Variants in SPATA16 observed in about 807,000 individuals in gnomAD.
The protein encoded by SPATA16 is spermatogenesis-associated protein 16.
Under a neutral mutation model 63.3 loss-of-function variants are expected in SPATA16, and 36 were observed. The ratio of observed to expected loss-of-function variants is 0.57; its 90% CI spans 0.44 to 0.75. The LOEUF is 0.75. Ranked by LOEUF, SPATA16 falls within the 30% of genes least tolerant of loss-of-function variation. The probability of loss-of-function intolerance (pLI) is 0.00; values close to 1 mark genes in which losing one functional copy is unlikely to be tolerated. For synonymous variants in SPATA16, 203 were observed against 216.7 expected (o/e 0.94, Z 0.56); for missense variants, 646 against 679.3 (o/e 0.95, Z 0.54).
intron 5 of SPATA16, 126 bp downstream of exon 5, chr3:172,976,842 A>C (rs970684839): frequency 2.6e-6 from 2 of 761,462 alleles, no homozygotes; most frequent in Non-Finnish European, 4.6e-6. Flanking sequence ...ATTATTATTC[A>C]GTACCTTCTT....
intron 4 of SPATA16, among the ~76,000 whole-genome samples, chr3:173,017,631 G>C (rs893031634): frequency 6.6e-6 from 1 of 152,140 alleles, no homozygotes; most frequent in Non-Finnish European, 1.5e-5. Context: ...CAACTAGCTC[G>C]CTCCGAATTC....
At chr3:173,086,445 A>G (rs1316320288) in intron 2 of SPATA16, among the ~76,000 whole-genome samples, 1 of 151,950 alleles carries the variant, frequency 6.6e-6, no homozygotes, top group African/African-American at 2.4e-5. Context: ...TAATTAATGT[A>G]GCTAGTAGTC....
chr3:173,098,520 A>T (rs1737414388), intron 2 of SPATA16, among the ~76,000 whole-genome samples: 1 of 152,216 alleles, frequency 6.6e-6, no homozygotes. Context: ...GAATGATTTT[A>T]AAGGCCTCTT....
intron 8 of SPATA16, 75 bp from the exon 9 acceptor site, chr3:172,916,556 G>T: frequency 6.8e-7 from 1 of 1,478,798 alleles, no homozygotes; most frequent in Non-Finnish European, 9.4e-7. Context: ...GGAAGTCAGG[G>T]CTTGTGATAA....
chr3:172,972,140 A>C lies in SPATA16; in HGVS notation c.933+4828T>G, dbSNP rs114409501. ...ACCATATAGGCCATTGATAGCTTTG[A>C]GATGGGAAACATTTCAATGCCAAGT... On this transcript the variant is annotated intron_variant, in intron 5 of 10. Coordinates refer to ENST00000351008, the MANE Select transcript of SPATA16 (RefSeq NM_031955.6). Among the ~76,000 whole-genome samples, 876 of 152,288 alleles carry C rather than the reference A, an allele frequency of 5.8e-3. 4 individuals are homozygous for C. The highest frequency in any genetic ancestry group is 0.02 in the Middle Eastern group (6 of 294).
chr3:173,045,280 C>G (rs574972975), intron 3 of SPATA16, among the ~76,000 whole-genome samples: 1 of 152,020 alleles, frequency 6.6e-6, no homozygotes, highest in East Asian at 1.9e-4. Context: ...ATATCCATGT[C>G]CCTGAACTAG....
intron 3 of SPATA16, among the ~76,000 whole-genome samples, chr3:173,038,535 T>C (rs1735767586): frequency 6.6e-6 from 1 of 152,118 alleles, no homozygotes; most frequent in Non-Finnish European, 1.5e-5. Flanking sequence ...TTTCTCAGTT[T>C]TAGTGTTGGT....
In SPATA16 at chr3:172,962,409, A is replaced by G. The variant is rs1275875350; in HGVS notation, c.934-5585T>C. On this transcript the variant is annotated intron_variant, in intron 5 of 10. Coordinates refer to ENST00000351008, the MANE Select transcript of SPATA16 (RefSeq NM_031955.6). Reference sequence around the variant, plus strand: ...GAGTGAGAAATCAAATTATTTTTCTATTGTTTTAAATTTCTGAAATTTGGG... The same window carrying G: ...GAGTGAGAAATCAAATTATTTTTCTGTTGTTTTAAATTTCTGAAATTTGGG... Among the ~76,000 whole-genome samples the G allele has an allele frequency of 2.0e-5, 3 of 152,096 alleles. No homozygotes were observed. In the South Asian group the frequency reaches 6.2e-4, roughly 31 times the overall value.
At chr3:173,088,835 A>G (rs1737151412) in intron 2 of SPATA16, among the ~76,000 whole-genome samples, 1 of 152,220 alleles carries the variant, frequency 6.6e-6, no homozygotes, top group South Asian at 2.1e-4. Context: ...ACTGTGTTGT[A>G]GGAGCATGTG....
intron 4 of SPATA16, among the ~76,000 whole-genome samples, chr3:172,991,120 G>A (rs1734567036): frequency 6.6e-6 from 1 of 152,050 alleles, no homozygotes; most frequent in African/African-American, 2.4e-5. Flanking sequence ...CATCCTTGAT[G>A]TCCTAGGGTA....
chr3:173,034,160 G>T (rs1272034803), intron 3 of SPATA16, among the ~76,000 whole-genome samples: 1 of 152,060 alleles, frequency 6.6e-6, no homozygotes. Context: ...GAGCCAGAAA[G>T]GTAAATACAT....
chr3:172,990,263 A>G (rs527628904), intron 4 of SPATA16, among the ~76,000 whole-genome samples: 2 of 152,342 alleles, frequency 1.3e-5, no homozygotes, highest in East Asian at 3.9e-4. Context: ...TGCCATCTAT[A>G]TCAGCAAGTA....
At chr3:172,926,142 T>C (rs1732727964) in intron 6 of SPATA16, among the ~76,000 whole-genome samples, 1 of 151,932 alleles carries the variant, frequency 6.6e-6, no homozygotes, top group Admixed American at 6.6e-5. Context: ...TTGATTTTTC[T>C]CTTCCTAGCT....
intron 1 of SPATA16, among the ~76,000 whole-genome samples, chr3:173,130,128 C>T (rs1738333790): frequency 6.6e-6 from 1 of 151,880 alleles, no homozygotes; most frequent in African/African-American, 2.4e-5. Flanking sequence ...TTTGGGGGGT[C>T]GAGGCGGCGG....
At position 173,011,948 on chromosome 3, in the gene SPATA16, G is replaced by GTAC. The variant is rs1000439680; in HGVS notation, c.848+7535_848+7537dup. 2.9e-4 allele frequency among the ~76,000 whole-genome samples: 44 copies of GTAC among 152,196 alleles called. 1 individual carries two copies. Among genetic ancestry groups the GTAC allele is most frequent in the African/African-American group, 1.1e-3 (44 of 41,520 alleles). ...CCTGCCTTAGCCTACTGAGTAGCTAGTACTACATGTGTGTGCCACCATGCC... is the reference window on the plus strand; with the variant it reads ...CCTGCCTTAGCCTACTGAGTAGCTAGTACTACTACATGTGTGTGCCACCATGCC... On this transcript the variant is annotated intron_variant, in intron 4 of 10. Transcript: ENST00000351008.
chr3:173,079,533 T>A (rs1199881394), intron 2 of SPATA16, among the ~76,000 whole-genome samples: 3 of 152,232 alleles, frequency 2.0e-5, no homozygotes, highest in Non-Finnish European at 1.5e-5. Context: ...TATTGTTATA[T>A]CTTTTTCATG....
At chr3:172,908,132 G>A (rs1732282960) in intron 10 of SPATA16, among the ~76,000 whole-genome samples, 2 of 152,166 alleles carry the variant, frequency 1.3e-5, no homozygotes, top group African/African-American at 4.8e-5. Flanking sequence ...TGACACAGAG[G>A]AGGTATCCAG....
At chr3:173,107,568 A>G (rs922077834) in intron 2 of SPATA16, among the ~76,000 whole-genome samples, 5 of 152,132 alleles carry the variant, frequency 3.3e-5, no homozygotes, top group African/African-American at 1.2e-4. Context: ...CAAATGAGGC[A>G]AAAGAAGAGT....
chr3:172,974,834 G>A (rs1054007171), intron 5 of SPATA16, among the ~76,000 whole-genome samples: 6 of 150,902 alleles, frequency 4.0e-5, no homozygotes, highest in Non-Finnish European at 5.9e-5. Flanking sequence ...GTTGAAGCTC[G>A]CTACAGACTA....
Sources: allele counts gnomAD v4.1 joint callset (sites outside exome capture counted in the v4.1 genomes callset), GRCh38; gene constraint gnomAD v4.1.1; transcripts MANE v1.5; gene names NCBI Gene and HGNC (gene_info 2026-07-23, HGNC 2026-07-21).